GPR149: variants seen among roughly 807,000 people sequenced by gnomAD.
The protein encoded by GPR149 is G protein-coupled receptor 149.
A neutral mutation model predicts 50.2 loss-of-function variants in GPR149; 50 were observed. The ratio of observed to expected loss-of-function variants is 1.00; its 90% CI spans 0.79 to 1.26. GPR149 has a LOEUF of 1.26. Ranked by LOEUF, GPR149 falls within the 50% of genes most tolerant of loss-of-function variation. The pLI, the probability that GPR149 is intolerant of heterozygous loss-of-function variation, is 0.00. For missense variants in GPR149, 983 were observed against 895.4 expected, an observed-to-expected ratio of 1.10 and a Z score of -1.25; for synonymous variants, 405 against 358.2, an observed-to-expected ratio of 1.13 and a Z score of -1.48.
Position 154,429,573 on chromosome 3 carries a change from G to A in GPR149, c.43C>T (p.Leu15=). 6.2e-7 allele frequency: 1 copy of A among 1,613,316 alleles called. No homozygotes were observed. ...LSNLSTNDSS[L]WKENHNSTDL... The stretch of plus-strand genomic sequence containing the variant: ...GTAGAATTATGATTCTCTTTCCACA[G>A]GCTAGAGTCATTTGTTGATAAGTTA... Residue 15 remains leucine (L), a synonymous_variant, in exon 1 of 4, where the codon CTG becomes TTG. Transcript: ENST00000389740.
At chr3:154,424,308 T>A (rs1712234049) in intron 2 of GPR149, among the ~76,000 whole-genome samples, 1 of 151,828 alleles carries the variant, frequency 6.6e-6, no homozygotes, top group Non-Finnish European at 1.5e-5. Context: ...CCCTAATAAA[T>A]ATTTATTTAT....
At chr3:154,400,821 T>C (rs745466188) in intron 3 of GPR149, among the ~76,000 whole-genome samples, 2 of 152,366 alleles carry the variant, frequency 1.3e-5, no homozygotes, top group East Asian at 3.9e-4. Context: ...GCCCGTGCTC[T>C]ACCTGCAACA....
At chr3:154,383,542 T>A (rs1714978813) in intron 3 of GPR149, among the ~76,000 whole-genome samples, 1 of 152,196 alleles carries the variant, frequency 6.6e-6, no homozygotes, top group African/African-American at 2.4e-5. Flanking sequence ...TACAGTCATA[T>A]GTGGACACTT....
At chr3:154,413,150 A>G (rs556472097) in intron 3 of GPR149, among the ~76,000 whole-genome samples, 1 of 152,222 alleles carries the variant, frequency 6.6e-6, no homozygotes, top group South Asian at 2.1e-4. Flanking sequence ...ACAAAAATCA[A>G]CTCAAGATGG....
chr3:154,406,357 G>C (rs1711684860), intron 3 of GPR149, among the ~76,000 whole-genome samples: 1 of 152,100 alleles, frequency 6.6e-6, no homozygotes, highest in Non-Finnish European at 1.5e-5. Context: ...AGGGGTATTT[G>C]GCAATTCCTA....
chr3:154,424,797 A>G lies in GPR149; in HGVS notation c.1174+2719T>C, dbSNP rs150865555. On this transcript the variant is annotated intron_variant, in intron 2 of 3. Transcript: ENST00000389740. ...TTTTAGTCACATCTTGCCAATTACA[A>G]TTTTAGATGTGAGTAATTACATCCA... 2.3e-3 allele frequency among the ~76,000 whole-genome samples: 345 copies of G among 151,846 alleles called. 1 individual carries two copies. The highest frequency in any genetic ancestry group is 7.0e-3 in the African/African-American group (292 of 41,490).
At chr3:154,356,248 G>A (rs951952995) in intron 3 of GPR149, among the ~76,000 whole-genome samples, 1 of 152,084 alleles carries the variant, frequency 6.6e-6, no homozygotes, top group Non-Finnish European at 1.5e-5. Context: ...ACCTGAGACT[G>A]GATAATTTAT....
intron 3 of GPR149, among the ~76,000 whole-genome samples, chr3:154,374,589 G>C (rs1196099002): frequency 6.6e-6 from 1 of 152,084 alleles, no homozygotes; most frequent in Admixed American, 6.5e-5. Context: ...ACTAGGGTTA[G>C]TCAAAATGCA....
intron 3 of GPR149, among the ~76,000 whole-genome samples, chr3:154,357,635 A>G (rs969000798): frequency 1.1e-4 from 17 of 152,190 alleles, no homozygotes; most frequent in Non-Finnish European, 2.1e-4. Context: ...AAAAGTCAGG[A>G]AACAACAGGT....
chr3:154,411,999 C>T (rs1268879661), intron 3 of GPR149, among the ~76,000 whole-genome samples: 1 of 152,090 alleles, frequency 6.6e-6, no homozygotes, highest in Admixed American at 6.6e-5. Flanking sequence ...AGAGAATCCA[C>T]CATGATCAAG....
At chr3:154,379,685 A>T (rs978407538) in intron 3 of GPR149, among the ~76,000 whole-genome samples, 4 of 152,162 alleles carry the variant, frequency 2.6e-5, no homozygotes, top group African/African-American at 9.6e-5. Context: ...TCCCAGCACC[A>T]TTTGTTGAAA....
At chr3:154,420,967 T>C in intron 3 of GPR149, 72 bp downstream of exon 3, 1 of 1,088,148 alleles carries the variant, frequency 9.2e-7, no homozygotes, top group Non-Finnish European at 1.3e-6. Flanking sequence ...AACAAACAAC[T>C]GATAATGTTT....
chr3:154,428,126 C>T (rs750535860), intron 1 of GPR149, among the ~76,000 whole-genome samples: 40 of 152,162 alleles, frequency 2.6e-4, no homozygotes, highest in Non-Finnish European at 4.6e-4. Context: ...TAATCGGCTT[C>T]CTCCTGGAAG....
At chr3:154,372,641 C>T (rs1461202469) in intron 3 of GPR149, among the ~76,000 whole-genome samples, 2 of 152,112 alleles carry the variant, frequency 1.3e-5, no homozygotes, top group African/African-American at 4.8e-5. Context: ...GCAAGGGGTT[C>T]AAACCTAAAG....
At chr3:154,378,293 C>T (rs1714840219) in intron 3 of GPR149, among the ~76,000 whole-genome samples, 1 of 151,940 alleles carries the variant, frequency 6.6e-6, no homozygotes, top group African/African-American at 2.4e-5. Flanking sequence ...AGTGTTTCAC[C>T]ATGTTGGCCA....
chr3:154,343,211 A>G (rs1274650301), intron 3 of GPR149, among the ~76,000 whole-genome samples: 1 of 152,228 alleles, frequency 6.6e-6, no homozygotes, highest in Admixed American at 6.5e-5. Context: ...TATAGGAATG[A>G]AAATAGATTC....
intron 3 of GPR149, among the ~76,000 whole-genome samples, chr3:154,390,869 T>G (rs1715152986): frequency 6.6e-6 from 1 of 152,040 alleles, no homozygotes; most frequent in South Asian, 2.1e-4. Flanking sequence ...TATCAACAGA[T>G]TTATCAGCAG....
At chr3:154,416,897 T>G (rs778521590) in intron 3 of GPR149, among the ~76,000 whole-genome samples, 3 of 151,934 alleles carry the variant, frequency 2.0e-5, no homozygotes, top group Non-Finnish European at 2.9e-5. Flanking sequence ...GTAAATAGAT[T>G]AAAAGTTTCA....
chr3:154,396,335 G>A (rs1715292846), intron 3 of GPR149, among the ~76,000 whole-genome samples: 3 of 152,056 alleles, frequency 2.0e-5, no homozygotes, highest in Admixed American at 6.6e-5. Flanking sequence ...TAAAGCAACA[G>A]TATTCTTGAT....
Sources: gnomAD v4.1 joint callset for allele counts (sites outside exome capture counted in the v4.1 genomes callset) on GRCh38, gnomAD v4.1.1 for gene constraint, MANE v1.5 for transcripts, NCBI Gene and HGNC (gene_info 2026-07-23, HGNC 2026-07-21) for gene names.